Variants in TRIP11 observed in about 807,000 individuals in gnomAD.
The protein encoded by TRIP11 is thyroid receptor-interacting protein 11.
TRIP11 carries 148 observed loss-of-function variants against 223.1 expected under a neutral mutation model. The observed-to-expected ratio is 0.66, with a 90% CI of 0.58 to 0.76. The LOEUF is 0.76. Ranked by LOEUF, TRIP11 falls within the 30% of genes least tolerant of loss-of-function variation. TRIP11 has a pLI of 0.00. For synonymous variants in TRIP11, 762 were observed against 772.6 expected (o/e 0.99, Z 0.23); for missense variants, 2,043 against 2,222.0 (o/e 0.92, Z 1.62).
intron 19 of TRIP11, among the ~76,000 whole-genome samples, chr14:91,974,134 CTG>C (rs1490630158): frequency 6.6e-6 from 1 of 152,214 alleles, no homozygotes; most frequent in African/African-American, 2.4e-5. Context: ...ATACCAGGCA[CTG>C]TGTTTTCATG....
chr14:92,024,735 G>A (rs918758612), intron 3 of TRIP11, among the ~76,000 whole-genome samples: 1 of 152,094 alleles, frequency 6.6e-6, no homozygotes, highest in Non-Finnish European at 1.5e-5. Flanking sequence ...TTTATTGGGG[G>A]CCACTTAGGT....
Position 91,977,288 on chromosome 14 carries a change from ATGTAC to A in TRIP11, c.5261-1104_5261-1100del, listed in dbSNP as rs1430190202. Reference sequence around the variant, plus strand: ...AAGTTTTCAATTTTTATGAAGTCCAATGTACTTTTTCTTTTGTTGCTTGTGCTTTT... The same window carrying A: ...AAGTTTTCAATTTTTATGAAGTCCAATTTTTCTTTTGTTGCTTGTGCTTTT... On this transcript the variant is annotated intron_variant, in intron 16 of 20. Transcript: ENST00000267622. 3 of 447,106 alleles carry A rather than the reference ATGTAC, an allele frequency of 6.7e-6. No homozygotes were observed. The Admixed American group carries it at 7.3e-5, about 11-fold the overall frequency. The allele number at this position is 447,106 out of a possible 1,614,324, so 27.7% of individuals were successfully genotyped here. A position where few individuals can be genotyped will look rare whatever the true frequency, so the allele number is the denominator to read the frequency against.
intron 16 of TRIP11, among the ~76,000 whole-genome samples, chr14:91,981,538 G>A (rs1421813788): frequency 6.6e-6 from 1 of 151,538 alleles, no homozygotes; most frequent in Non-Finnish European, 1.5e-5. Context: ...TCACAGGCAT[G>A]TGCCACCACA....
Position 92,004,852 on chromosome 14 carries a change from A to G in TRIP11, c.3124T>C (p.Leu1042=). ...IKLLNEKNIS[L]TKQIDQLSKD... The stretch of plus-strand genomic sequence containing the variant: ...GACAACTGATCAATCTGTTTAGTTA[A>G]AGATATATTCTTTTCATTTAGAAGT... The change falls in exon 11 of 21, where the codon TTA becomes CTA. Residue 1042 remains leucine (L), a synonymous_variant. Transcript: ENST00000267622. The G allele has an allele frequency of 6.2e-7, 1 of 1,613,910 alleles. No homozygotes were observed. The highest frequency in any genetic ancestry group is 8.5e-7 in the Non-Finnish European group (1 of 1,180,008).
At chr14:92,033,370 A>G in intron 1 of TRIP11, 117 bp from the exon 2 acceptor site, 1 of 763,802 alleles carries the variant, frequency 1.3e-6, no homozygotes, top group Non-Finnish European at 2.2e-6. Context: ...CTGATATGAA[A>G]GCATTCAGAA....
At position 92,015,780 on chromosome 14, in the gene TRIP11, A is replaced by G; in HGVS notation, c.739T>C (p.Leu247=). The change falls in exon 6 of 21, where the codon TTG becomes CTG. Residue 247 remains leucine (L), a synonymous_variant. Transcript: ENST00000267622. Reference sequence around the variant, plus strand: ...CGATGTCGTCGACTTATTTCTGTCAATTTCTGTTGGTGTGCATTCTGCAGT... The same window carrying G: ...CGATGTCGTCGACTTATTTCTGTCAGTTTCTGTTGGTGTGCATTCTGCAGT... ...SVLQNAHQQK[L]TEISRRHREE... is the part of the protein sequence containing the mutation. 6.2e-7 allele frequency: 1 copy of G among 1,613,506 alleles called. No homozygotes were observed. Among genetic ancestry groups the G allele is most frequent in the Non-Finnish European group, 8.5e-7 (1 of 1,179,828 alleles).
intron 16 of TRIP11, among the ~76,000 whole-genome samples, chr14:91,976,401 TG>T (rs1323044155): frequency 1.3e-5 from 2 of 152,224 alleles, no homozygotes; most frequent in African/African-American, 4.8e-5. Flanking sequence ...TTAATTCACA[TG>T]GTTTACTCCC....
At chr14:91,994,277 T>C (rs2056719699) in intron 14 of TRIP11, among the ~76,000 whole-genome samples, 1 of 149,102 alleles carries the variant, frequency 6.7e-6, no homozygotes, top group Admixed American at 6.6e-5. Flanking sequence ...TTTTTTTTTT[T>C]TGAGACAGAG....
intron 15 of TRIP11, 31 bp from the exon 16 acceptor site, chr14:91,988,414 A>G: frequency 6.3e-7 from 1 of 1,584,666 alleles, no homozygotes; most frequent in Non-Finnish European, 8.7e-7. Flanking sequence ...AAAAAAAAGT[A>G]TGCAAAAATT....
Position 92,005,980 on chromosome 14 carries a change from C to A in TRIP11, c.1996G>T (p.Glu666Ter), listed in dbSNP as rs1404122067. ...TCAAAAGCAACTTTCTTTAAATTTT[C>A]ATTGAGCTGTTCTAATTCTGAAAGA... ...QNLSELEQLN[E>*]NLKKVAFDVK... The change falls in exon 11 of 21, where the codon GAA (glutamate) becomes TAA (stop). Residue 666 changes from glutamate to a stop codon, truncating the protein, a stop_gained. Coordinates refer to ENST00000267622, the MANE Select transcript of TRIP11 (RefSeq NM_004239.4). LOFTEE classifies it high-confidence loss of function. The A allele has an allele frequency of 6.2e-7, 1 of 1,612,212 alleles. No homozygotes were observed. The highest frequency in any genetic ancestry group is 2.2e-5 in the East Asian group (1 of 44,822).
chr14:91,970,068 A>G (rs1186355363), intron 20 of TRIP11, among the ~76,000 whole-genome samples, 175 bp from the exon 21 acceptor site: 4 of 152,212 alleles, frequency 2.6e-5, no homozygotes, highest in Non-Finnish European at 5.9e-5. Flanking sequence ...CTTGACGGTA[A>G]TAACACTGGC....
chr14:91,976,401 T>C (rs2056465416), intron 16 of TRIP11, among the ~76,000 whole-genome samples: 1 of 152,224 alleles, frequency 6.6e-6, no homozygotes, highest in Admixed American at 6.5e-5. Flanking sequence ...TTAATTCACA[T>C]GGTTTACTCC....
chr14:91,991,429 C>T (rs986873311), intron 15 of TRIP11, among the ~76,000 whole-genome samples: 6 of 152,146 alleles, frequency 3.9e-5, no homozygotes, highest in African/African-American at 1.4e-4. Flanking sequence ...CACTTCCTAC[C>T]CATCAGATTG....
chr14:91,993,952 G>A (rs995353436), intron 14 of TRIP11, 40 bp from the exon 15 acceptor site: 21 of 1,468,230 alleles, frequency 1.4e-5, no homozygotes, highest in African/African-American at 2.8e-5. Context: ...TTTTGCAATC[G>A]TGTGTTAAGT....
Position 92,014,205 on chromosome 14 carries a change from G to C in TRIP11, c.1186+10C>G, listed in dbSNP as rs926664170. On this transcript the variant is annotated intron_variant, in intron 7 of 20. Coordinates refer to ENST00000267622, the MANE Select transcript of TRIP11 (RefSeq NM_004239.4). The stretch of plus-strand genomic sequence containing the variant: ...ACAGCAATCTGAAATAAGTTCCAAA[G>C]ACTGTATACCAGACAGTGCTTGTTG... The C allele has an allele frequency of 6.8e-6, 11 of 1,613,726 alleles. No individual in the cohort carries two copies. The African/African-American group carries it at 1.3e-4, about 20-fold the overall frequency.
At chr14:91,970,132 C>T (rs1290941663) in intron 20 of TRIP11, among the ~76,000 whole-genome samples, 4 of 152,134 alleles carry the variant, frequency 2.6e-5, no homozygotes, top group East Asian at 3.9e-4. Flanking sequence ...CGCAGCCAGG[C>T]GCGGTGGCTC....
intron 2 of TRIP11, chr14:92,030,807 A>G (rs1196211655): frequency 1.3e-5 from 2 of 152,274 alleles, no homozygotes; most frequent in Non-Finnish European, 2.9e-5. Flanking sequence ...CAGAAATGAA[A>G]AAAACTCAGT....
At chr14:91,994,648 C>A (rs1287769479) in intron 14 of TRIP11, among the ~76,000 whole-genome samples, 1 of 152,230 alleles carries the variant, frequency 6.6e-6, no homozygotes, top group Non-Finnish European at 1.5e-5. Flanking sequence ...GTTACTTCCT[C>A]ATTCTCATAT....
intron 7 of TRIP11, among the ~76,000 whole-genome samples, chr14:92,013,422 G>A (rs1159067392): frequency 6.6e-6 from 1 of 152,196 alleles, no homozygotes; most frequent in East Asian, 1.9e-4. Context: ...AATAACCAAT[G>A]CATAGAGATG....
Sources: gnomAD v4.1 joint callset for allele counts (sites outside exome capture counted in the v4.1 genomes callset) on GRCh38, gnomAD v4.1.1 for gene constraint, MANE v1.5 for transcripts, NCBI Gene and HGNC (gene_info 2026-07-23, HGNC 2026-07-21) for gene names.